The following ZNF676 variants were observed in gnomAD, a reference collection of about 807,000 sequenced individuals.
ZNF676 encodes zinc finger protein 676.
A neutral mutation model predicts 6.0 loss-of-function variants in ZNF676; 4 were observed. The observed-to-expected ratio is 0.67, with a 90% CI of 0.33 to 1.53. The LOEUF (loss-of-function observed/expected upper bound fraction) is 1.53, where lower values mean the gene tolerates loss of function less well. Ranked by LOEUF, ZNF676 falls within the 40% of genes most tolerant of loss-of-function variation. ZNF676 has a pLI of 0.06. For synonymous variants in ZNF676, 198 were observed against 223.1 expected (o/e 0.89, Z 1.00); for missense variants, 644 against 679.7 (o/e 0.95, Z 0.58).
At chr19:22,189,881 G>T (rs1046810557) in intron 2 of ZNF676, among the ~76,000 whole-genome samples, 1 of 152,148 alleles carries the variant, frequency 6.6e-6, no homozygotes, top group Admixed American at 6.6e-5. Context: ...AACAGATGCT[G>T]CAAAGATGTG....
upstream of ZNF676, among the ~76,000 whole-genome samples, chr19:22,217,194 C>CT (rs1393175163): frequency 1.3e-5 from 2 of 151,824 alleles, no homozygotes; most frequent in East Asian, 1.9e-4. Context: ...CTATATAATT[C>CT]TTTTTTTTAA....
the ZNF676 span, among the ~76,000 whole-genome samples, chr19:22,238,342 T>C: frequency 0.057 from 8,671 of 152,174 alleles, 813 homozygotes; most frequent in African/African-American, 0.2. Flanking sequence ...TGAGCCACCA[T>C]GCTCAGCTGG....
At chr19:22,229,592 C>T in the ZNF676 span, among the ~76,000 whole-genome samples, 1 of 152,114 alleles carries the variant, frequency 6.6e-6, no homozygotes, top group African/African-American at 2.4e-5. Context: ...AAAAATTTTG[C>T]AATCTATCCA....
upstream of ZNF676, among the ~76,000 whole-genome samples, chr19:22,220,748 A>C (rs1261271738): frequency 6.6e-6 from 1 of 152,062 alleles, no homozygotes; most frequent in Non-Finnish European, 1.5e-5. Flanking sequence ...TGAGCCACTG[A>C]ACCCAGCTGG....
chr19:22,259,461 A>C, the ZNF676 span, among the ~76,000 whole-genome samples: 1 of 152,142 alleles, frequency 6.6e-6, no homozygotes, highest in Admixed American at 6.5e-5. Flanking sequence ...CTAGGAGGAG[A>C]GCCCAAAAAT....
the ZNF676 span, among the ~76,000 whole-genome samples, chr19:22,225,945 CA>C: frequency 6.6e-6 from 1 of 151,954 alleles, no homozygotes; most frequent in Non-Finnish European, 1.5e-5. Flanking sequence ...AAGTATATTT[CA>C]GTTAAATTTT....
At chr19:22,197,272 A>G (rs976843529), upstream of ZNF676, among the ~76,000 whole-genome samples, 1 of 151,954 alleles carries the variant, frequency 6.6e-6, no homozygotes, top group African/African-American at 2.4e-5. Context: ...CAGTGAGCCA[A>G]GATTCATTGC....
chr19:22,182,354 T>C (rs925011116), intron 2 of ZNF676, among the ~76,000 whole-genome samples: 46 of 152,150 alleles, frequency 3.0e-4, no homozygotes, highest in Admixed American at 2.3e-3. Flanking sequence ...GATTACAGTC[T>C]ATACAAAATA....
chr19:22,179,456 C>A lies in ZNF676; in HGVS notation c.*494G>T. The A allele has an allele frequency of 3.0e-6, 1 of 331,066 alleles. No homozygotes were observed. Among genetic ancestry groups the A allele is most frequent in the Non-Finnish European group, 6.0e-6 (1 of 167,194 alleles). The allele number at this position is 331,066 out of a possible 1,614,324, so 20.5% of individuals were successfully genotyped here. On this transcript the variant is annotated 3_prime_UTR_variant, in exon 3 of 3. Transcript: ENST00000397121. ...ACATTCCACACAATTATAGGAATTC[C>A]CTCCAGTATGAATTACATGAATGTT...
At chr19:22,213,759 G>A (rs2024156082) in intron 1 of ZNF676, among the ~76,000 whole-genome samples, 1 of 152,128 alleles carries the variant, frequency 6.6e-6, no homozygotes. Flanking sequence ...TGTCTTATGG[G>A]AGAAAATGAC....
At chr19:22,233,287 G>A in the ZNF676 span, among the ~76,000 whole-genome samples, 5 of 152,016 alleles carry the variant, frequency 3.3e-5, no homozygotes, top group African/African-American at 1.2e-4. Flanking sequence ...GGGATTACAG[G>A]TGTGAGCCAT....
In ZNF676 at chr19:22,193,057, G is replaced by T. The variant is rs1427720698; in HGVS notation, c.89C>A (p.Pro30His). ...LIIFLEQGKE[P>H]WNMKRHEMVE... ...CATCTCATGTCTCTTCATATTCCAG[G>T]GCTCTTTTCCTTGCTCCAGAAAAAT... Residue 30 changes from proline to histidine, a missense_variant, in exon 2 of 3, where the codon CCC becomes CAC. Physicochemically the swap from Pro to His is moderately conservative, Grantham distance 77 (BLOSUM62 -2). Transcript: ENST00000397121. The T allele has an allele frequency of 6.2e-7, 1 of 1,610,036 alleles. No individual in the cohort carries two copies. Among genetic ancestry groups the T allele is most frequent in the Non-Finnish European group, 8.5e-7 (1 of 1,178,352 alleles).
At chr19:22,236,984 C>T in the ZNF676 span, among the ~76,000 whole-genome samples, 3 of 152,304 alleles carry the variant, frequency 2.0e-5, no homozygotes, top group South Asian at 2.1e-4. Flanking sequence ...TGAGAGACCA[C>T]GGTTCCCACT....
chr19:22,226,300 T>C, the ZNF676 span, among the ~76,000 whole-genome samples: 819 of 152,234 alleles, frequency 5.4e-3, 5 homozygotes, highest in African/African-American at 0.019. Flanking sequence ...CTATATTGTT[T>C]TCATTATAGC....
At chr19:22,247,956 C>G in the ZNF676 span, among the ~76,000 whole-genome samples, 2 of 139,960 alleles carry the variant, frequency 1.4e-5, no homozygotes, top group Admixed American at 1.5e-4. Flanking sequence ...TCCAAGTGTT[C>G]TCATTGCTCA....
intron 1 of ZNF676, among the ~76,000 whole-genome samples, chr19:22,214,898 G>A (rs1252997698): frequency 1.3e-5 from 2 of 150,960 alleles, no homozygotes; most frequent in Non-Finnish European, 3.0e-5. Flanking sequence ...AAAATTAGCC[G>A]GGGGTGTTGG....
chr19:22,182,462 T>A (rs2023768917), intron 2 of ZNF676, among the ~76,000 whole-genome samples: 1 of 149,814 alleles, frequency 6.7e-6, no homozygotes, highest in Admixed American at 6.7e-5. Flanking sequence ...ACTCAATGAG[T>A]GAAGCAGGAA....
intron 2 of ZNF676, among the ~76,000 whole-genome samples, chr19:22,188,017 C>G (rs1403001639): frequency 6.6e-6 from 1 of 152,014 alleles, no homozygotes. Context: ...TTTTATGAGG[C>G]CAGCATCATC....
rs768098084 is a variant in ZNF676, at chr19:22,179,919, A to C, written c.*31T>G. On this transcript the variant is annotated 3_prime_UTR_variant, in exon 3 of 3. Transcript: ENST00000397121. ...TCTTATGTTTACTAGACTGAGAATC[A>C]GCTGAAGGATTTACCACATTCTTCA... 5 of 1,597,958 alleles carry C rather than the reference A, an allele frequency of 3.1e-6. No individual in the cohort carries two copies. In the African/African-American group the frequency reaches 6.7e-5, roughly 22 times the overall value.
Sources: gnomAD v4.1 joint callset for allele counts (sites outside exome capture counted in the v4.1 genomes callset) on GRCh38, gnomAD v4.1.1 for gene constraint, MANE v1.5 for transcripts, NCBI Gene and HGNC (gene_info 2026-07-23, HGNC 2026-07-21) for gene names.